NCKAP5: variants seen among roughly 807,000 people sequenced by gnomAD.
The protein encoded by NCKAP5 is nck-associated protein 5.
Under a neutral mutation model 167.0 loss-of-function variants are expected in NCKAP5, and 92 were observed. The observed-to-expected ratio is 0.55, with a 90% confidence interval of 0.47 to 0.66. The LOEUF (loss-of-function observed/expected upper bound fraction) is 0.66, where lower values mean the gene tolerates loss of function less well. NCKAP5 is among the 30% of genes least tolerant of loss of function. NCKAP5 has a pLI of 0.00. For synonymous variants in NCKAP5, 891 were observed against 877.4 expected (o/e 1.02, Z -0.27); for missense variants, 2,378 against 2,315.0 (o/e 1.03, Z -0.56).
In NCKAP5 at chr2:132,994,239, C is replaced by T. The variant is rs965094097; in HGVS notation, c.342G>A (p.Arg114=). Residue 114 remains arginine, a splice_region_variant and synonymous_variant, in exon 7 of 20, where the codon AGG becomes AGA. Coordinates refer to ENST00000409261, the MANE Select transcript of NCKAP5 (RefSeq NM_207363.3). ...ATAGATTTCGTACTGTTTCTTCCATCCTGAGAAACAAAAATATTAAGAATT... is the reference window on the plus strand; with the variant it reads ...ATAGATTTCGTACTGTTTCTTCCATTCTGAGAAACAAAAATATTAAGAATT... ...QMRSLQQQFS[R]MEETVRNLLQ... The T allele has an allele frequency of 1.3e-6, 2 of 1,567,078 alleles. No homozygotes were observed. The highest frequency in any genetic ancestry group is 1.7e-4 in the Middle Eastern group (1 of 5,958).
In NCKAP5 at chr2:133,487,175, G is replaced by A. The variant is rs184634028; in HGVS notation, c.69+30283C>T. On this transcript the variant is annotated intron_variant, in intron 3 of 19. Coordinates refer to ENST00000409261, the MANE Select transcript of NCKAP5 (RefSeq NM_207363.3). ...ATTCACACTAGCTGTAGGAATGGAC[G>A]TTATTCAACATTCGTGTGCCTTCAA... 1.2e-4 allele frequency among the ~76,000 whole-genome samples: 19 copies of A among 152,322 alleles called. No homozygotes were observed. The East Asian group carries it at 3.1e-3, about 25-fold the overall frequency.
At chr2:132,766,278 C>CAAAAAAA (rs70973405) in intron 16 of NCKAP5, among the ~76,000 whole-genome samples, 1 of 38,406 alleles carries the variant, frequency 2.6e-5, no homozygotes, top group African/African-American at 9.1e-5. Flanking sequence ...GATTCTGTCT[C>CAAAAAAA]AAAAAAAAAA....
At chr2:133,310,521 T>C (rs1370742815) in intron 3 of NCKAP5, among the ~76,000 whole-genome samples, 1 of 152,206 alleles carries the variant, frequency 6.6e-6, no homozygotes, top group Non-Finnish European at 1.5e-5. Context: ...TTTAAAATCA[T>C]ACTCTCCCTC....
intron 8 of NCKAP5, among the ~76,000 whole-genome samples, chr2:132,891,396 G>T (rs1461876003): frequency 2.0e-5 from 3 of 152,238 alleles, no homozygotes; most frequent in Non-Finnish European, 4.4e-5. Context: ...CAGGGTGAAG[G>T]TGGGTGTCAC....
chr2:133,102,744 A>AAC (rs3051212), intron 6 of NCKAP5, among the ~76,000 whole-genome samples: 41,937 of 134,892 alleles, frequency 0.31, 6,528 homozygotes, highest in East Asian at 0.47. Context: ...CAAGCATGTA[A>AAC]ACACACACAC....
At chr2:132,982,275 T>C (rs906041560) in intron 7 of NCKAP5, among the ~76,000 whole-genome samples, 2 of 152,244 alleles carry the variant, frequency 1.3e-5, no homozygotes, top group African/African-American at 4.8e-5. Flanking sequence ...TCTTTCCCTT[T>C]AGCCTCACTA....
intron 3 of NCKAP5, among the ~76,000 whole-genome samples, chr2:133,508,477 A>G (rs990725306): frequency 2.0e-5 from 3 of 152,200 alleles, no homozygotes; most frequent in African/African-American, 4.8e-5. Flanking sequence ...CAAAGCAGAA[A>G]TCATAGTTTA....
At chr2:132,887,681 C>G (rs1692360022) in intron 8 of NCKAP5, among the ~76,000 whole-genome samples, 1 of 152,116 alleles carries the variant, frequency 6.6e-6, no homozygotes, top group Non-Finnish European at 1.5e-5. Flanking sequence ...ACTATTGGCT[C>G]TGTCACCCAG....
intron 19 of NCKAP5, among the ~76,000 whole-genome samples, chr2:132,723,441 C>T (rs767415103): frequency 2.0e-5 from 3 of 152,004 alleles, no homozygotes; most frequent in Non-Finnish European, 2.9e-5. Flanking sequence ...GGATTACAGG[C>T]GTGAGCCACC....
In NCKAP5 at chr2:132,728,831, A is replaced by C. The variant is rs749088869; in HGVS notation, c.5565T>G (p.Ala1855=). ...QPLPDWGSEV[A]ATGTQDKAPR... ...GACCCCTCACCTGGGTCCCGGTGGC[A>C]GCAACTTCACTCCCCCAGTCTGGAA... Residue 1855 remains alanine (A), a synonymous_variant, in exon 18 of 20, where the codon GCT becomes GCG. Coordinates refer to ENST00000409261, the MANE Select transcript of NCKAP5 (RefSeq NM_207363.3). 4.3e-6 allele frequency: 7 copies of C among 1,613,890 alleles called. 1 individual carries two copies. In the South Asian group the frequency reaches 7.7e-5, roughly 18 times the overall value.
intron 3 of NCKAP5, among the ~76,000 whole-genome samples, chr2:133,374,824 T>C (rs1409375554): frequency 6.6e-6 from 1 of 152,186 alleles, no homozygotes; most frequent in African/African-American, 2.4e-5. Context: ...ATCTTCAAAG[T>C]ATAGTAAAAG....
At chr2:132,965,480 A>T (rs899417920) in intron 7 of NCKAP5, among the ~76,000 whole-genome samples, 1 of 152,210 alleles carries the variant, frequency 6.6e-6, no homozygotes, top group Non-Finnish European at 1.5e-5. Flanking sequence ...TAGGTTGATG[A>T]AGCAAGCTGT....
intron 9 of NCKAP5, among the ~76,000 whole-genome samples, chr2:132,877,854 C>T (rs948700020): frequency 5.9e-5 from 9 of 152,040 alleles, no homozygotes; most frequent in Non-Finnish European, 8.8e-5. Context: ...AAAAGACTGA[C>T]GATATATTGG....
chr2:133,402,654 G>A (rs1038398299), intron 3 of NCKAP5, among the ~76,000 whole-genome samples: 1 of 152,046 alleles, frequency 6.6e-6, no homozygotes, highest in African/African-American at 2.4e-5. Context: ...ATGGGATCCG[G>A]TTGTTTAAAA....
intron 3 of NCKAP5, among the ~76,000 whole-genome samples, chr2:133,401,024 C>T (rs924869569): frequency 7.2e-5 from 11 of 152,064 alleles, no homozygotes; most frequent in African/African-American, 2.4e-4. Flanking sequence ...AGATAGTTTC[C>T]GGATGGGACC....
At chr2:132,869,056 G>T (rs769183187) in intron 9 of NCKAP5, 82 bp from the exon 10 acceptor site, 5 of 1,008,306 alleles carry the variant, frequency 5.0e-6, no homozygotes, top group South Asian at 1.7e-5. Context: ...TAAGTTTCTC[G>T]CAGCTTATTG....
chr2:133,184,831 ATTTG>A (rs1196003933), intron 5 of NCKAP5, among the ~76,000 whole-genome samples: 1 of 151,944 alleles, frequency 6.6e-6, no homozygotes, highest in Non-Finnish European at 1.5e-5. Context: ...TTGCTTGTTA[ATTTG>A]TTTAAGTTTC....
chr2:133,206,088 C>T (rs912906128), intron 5 of NCKAP5, among the ~76,000 whole-genome samples: 1 of 152,036 alleles, frequency 6.6e-6, no homozygotes, highest in South Asian at 2.1e-4. Flanking sequence ...TAAAATGAGG[C>T]AATGACAGAA....
chr2:132,961,690 T>C (rs1411208070), intron 8 of NCKAP5, among the ~76,000 whole-genome samples: 1 of 152,214 alleles, frequency 6.6e-6, no homozygotes, highest in Non-Finnish European at 1.5e-5. Flanking sequence ...TAAGAAACAT[T>C]CGCTGCCAAA....
Sources: gnomAD v4.1 joint callset for allele counts (sites outside exome capture counted in the v4.1 genomes callset) on GRCh38, gnomAD v4.1.1 for gene constraint, MANE v1.5 for transcripts, NCBI Gene and HGNC (gene_info 2026-07-23, HGNC 2026-07-21) for gene names.